KLHDC4: variants seen among roughly 807,000 people sequenced by gnomAD.
KLHDC4 encodes kelch domain containing 4, also known as kelch domain-containing protein 4.
KLHDC4 carries 90 observed loss-of-function variants against 62.4 expected under a neutral mutation model. The observed-to-expected ratio is 1.44, with a 90% confidence interval of 1.22 to 1.72. The LOEUF is 1.72. Ranked by LOEUF, KLHDC4 falls within the 40% of genes most tolerant of loss-of-function variation. KLHDC4 has a pLI of 0.00. For missense variants in KLHDC4, 1,025 were observed against 699.7 expected (o/e 1.47, Z -5.25); for synonymous variants, 386 against 284.4 (o/e 1.36, Z -3.59).
At chr16:87,720,853 C>A (rs1472538898) in intron 7 of KLHDC4, among the ~76,000 whole-genome samples, 3 of 152,222 alleles carry the variant, frequency 2.0e-5, no homozygotes, top group East Asian at 3.9e-4. Flanking sequence ...ACACTGCTGT[C>A]GCGATGGTTT....
At chr16:87,762,944 A>G (rs759881377) in intron 1 of KLHDC4, among the ~76,000 whole-genome samples, 1 of 152,014 alleles carries the variant, frequency 6.6e-6, no homozygotes, top group Admixed American at 6.6e-5. Context: ...TCACTCTCCA[A>G]GATACACCAG....
Position 87,730,691 on chromosome 16 carries a change from G to C in KLHDC4, c.507-47C>G, listed in dbSNP as rs369480671. On this transcript the variant is annotated intron_variant, in intron 5 of 11. Coordinates refer to ENST00000270583, the MANE Select transcript of KLHDC4 (RefSeq NM_017566.4). The stretch of plus-strand genomic sequence containing the variant: ...GACACTATCAACCTGCTTAATTTCT[G>C]GTTGTTCTAAAGACGACAACAACAA... 3.3e-6 allele frequency: 5 copies of C among 1,533,608 alleles called. No homozygotes were observed. The African/African-American group carries it at 6.9e-5, about 21-fold the overall frequency.
At chr16:87,759,019 T>C (rs1296419500) in intron 2 of KLHDC4, among the ~76,000 whole-genome samples, 2 of 151,812 alleles carry the variant, frequency 1.3e-5, no homozygotes, top group East Asian at 3.9e-4. Flanking sequence ...CTACTAAAAA[T>C]ACAAAATTAG....
chr16:87,756,242 G>C (rs112953963), intron 3 of KLHDC4, 157 bp downstream of exon 3: 32 of 573,684 alleles, frequency 5.6e-5, no homozygotes, highest in African/African-American at 5.4e-4. Context: ...AGGGCCTGGA[G>C]CATCCTGGCG....
At chr16:87,735,658 T>G (rs2041187662) in intron 5 of KLHDC4, among the ~76,000 whole-genome samples, 1 of 152,268 alleles carries the variant, frequency 6.6e-6, no homozygotes, top group African/African-American at 2.4e-5. Context: ...TAAAGCTACT[T>G]TAAAAAGCCC....
At chr16:87,725,330 T>C (rs2142999405) in intron 7 of KLHDC4, among the ~76,000 whole-genome samples, 1 of 152,232 alleles carries the variant, frequency 6.6e-6, no homozygotes, top group Non-Finnish European at 1.5e-5. Flanking sequence ...CACGCCCGGC[T>C]AATTTTTTGT....
At chr16:87,765,432 C>T in intron 1 of KLHDC4, 2 of 495,276 alleles carry the variant, frequency 4.0e-6, no homozygotes, top group Non-Finnish European at 7.9e-6. Context: ...AACCTCAGGT[C>T]TTCCTGTGCC....
intron 7 of KLHDC4, among the ~76,000 whole-genome samples, chr16:87,722,379 T>G (rs1367554476): frequency 6.6e-6 from 1 of 152,204 alleles, no homozygotes; most frequent in Non-Finnish European, 1.5e-5. Flanking sequence ...GGCAGGTGTC[T>G]GTGAGTTCCT....
chr16:87,718,571 G>A (rs1376263659), intron 7 of KLHDC4, among the ~76,000 whole-genome samples: 1 of 151,628 alleles, frequency 6.6e-6, no homozygotes, highest in South Asian at 2.1e-4. Context: ...ATCTCGGCTC[G>A]CTACAACCCC....
At chr16:87,765,305 T>C (rs966432155) in intron 1 of KLHDC4, 23 of 456,134 alleles carry the variant, frequency 5.0e-5, no homozygotes, top group Admixed American at 1.6e-4. Flanking sequence ...CATCTGCTGC[T>C]CACTGCTCAG....
intron 7 of KLHDC4, among the ~76,000 whole-genome samples, chr16:87,725,943 G>C (rs2039295054): frequency 6.6e-6 from 1 of 152,136 alleles, no homozygotes; most frequent in East Asian, 1.9e-4. Flanking sequence ...CCATGGTGCA[G>C]GAAGGAGACC....
chr16:87,716,581 T>G (rs574982564), intron 7 of KLHDC4, among the ~76,000 whole-genome samples: 1 of 152,240 alleles, frequency 6.6e-6, no homozygotes, highest in African/African-American at 2.4e-5. Context: ...GGCCCTACGA[T>G]TCGCCATTTC....
At chr16:87,723,338 G>A (rs910596314) in intron 7 of KLHDC4, among the ~76,000 whole-genome samples, 1 of 152,244 alleles carries the variant, frequency 6.6e-6, no homozygotes, top group African/African-American at 2.4e-5. Flanking sequence ...TGAACTAAGT[G>A]GATTGAGATC....
rs188149202 is a variant in KLHDC4 at position 87,761,970 on chromosome 16, G to A, written c.170C>T (p.Pro57Leu). Residue 57 changes from proline to leucine, a missense_variant, in exon 2 of 12, where the codon CCG becomes CTG. By Grantham distance (98) the Pro-to-Leu change is moderately conservative. Transcript: ENST00000270583. ...TCACCTTGGTGAGGGTGGGGGGCAC[G>A]GAAGTTCCACAGTCTGAGTCCTCTT... ...DAKRTQTVELPCPPPSPRLNA... is the reference protein window; with the variant it reads ...DAKRTQTVELLCPPPSPRLNA... The A allele has an allele frequency of 1.8e-5, 29 of 1,613,820 alleles. No individual in the cohort carries two copies. Among genetic ancestry groups the A allele is most frequent in the Admixed American group, 1.0e-4 (6 of 59,952 alleles).
intron 1 of KLHDC4, among the ~76,000 whole-genome samples, chr16:87,763,822 A>T (rs939011940): frequency 6.6e-6 from 1 of 152,198 alleles, no homozygotes; most frequent in African/African-American, 2.4e-5. Flanking sequence ...GGTCTGGGTG[A>T]CGCCAGTGGC....
At chr16:87,705,929 C>A (rs554825044), downstream of KLHDC4, among the ~76,000 whole-genome samples, 2 of 152,370 alleles carry the variant, frequency 1.3e-5, no homozygotes, top group South Asian at 4.1e-4. Context: ...CCCAGACCGG[C>A]CGCCAAAGCC....
chr16:87,739,914 G>C (rs987742068), intron 5 of KLHDC4: 1 of 152,258 alleles, frequency 6.6e-6, no homozygotes, highest in South Asian at 2.1e-4. Context: ...TGTTGGCTGC[G>C]CAATTCTGTG....
chr16:87,750,118 G>A (rs2043694575), intron 4 of KLHDC4: 1 of 152,260 alleles, frequency 6.6e-6, no homozygotes, highest in Non-Finnish European at 1.5e-5. Flanking sequence ...AAGAACTGCG[G>A]GAGGCAGAGT....
At chr16:87,743,861 A>T (rs1490961609) in intron 5 of KLHDC4, among the ~76,000 whole-genome samples, 4 of 152,242 alleles carry the variant, frequency 2.6e-5, no homozygotes, top group Admixed American at 6.5e-5. Flanking sequence ...AATAAATAAA[A>T]AAACCAAATG....
Sources: gnomAD v4.1 joint callset for allele counts (sites outside exome capture counted in the v4.1 genomes callset) on GRCh38, gnomAD v4.1.1 for gene constraint, MANE v1.5 for transcripts, NCBI Gene and HGNC (gene_info 2026-07-23, HGNC 2026-07-21) for gene names.